The following VSTM2A variants were observed in gnomAD, a reference collection of about 807,000 sequenced individuals.
VSTM2A encodes V-set and transmembrane domain containing 2A.
A neutral mutation model predicts 27.3 loss-of-function variants in VSTM2A; 13 were observed. The ratio of observed to expected loss-of-function variants is 0.48; its 90% CI spans 0.31 to 0.76. The LOEUF is 0.76. VSTM2A is among the 30% of genes least tolerant of loss of function. The pLI is 0.05. For synonymous variants in VSTM2A, 142 were observed against 125.7 expected (o/e 1.13, Z -0.87); for missense variants, 280 against 310.0 (o/e 0.90, Z 0.73).
intron 1 of VSTM2A, 52 bp from the exon 2 acceptor site, chr7:54,544,570 C>T: frequency 6.2e-7 from 1 of 1,609,060 alleles, no homozygotes. Context: ...AGGAAAGAGA[C>T]TCAGGCAAGA....
intron 4 of VSTM2A, chr7:54,557,907 TCTC>T (rs1363595612): frequency 2.0e-5 from 3 of 152,196 alleles, no homozygotes; most frequent in Admixed American, 6.5e-5. Context: ...GAAGACTAGA[TCTC>T]CATTTCTGGC....
chr7:54,566,513 T>C (rs1397946014), intron 4 of VSTM2A, among the ~76,000 whole-genome samples: 1 of 152,124 alleles, frequency 6.6e-6, no homozygotes, highest in Non-Finnish European at 1.5e-5. Context: ...CAACTAGCTA[T>C]TAGGAACAGA....
intron 2 of VSTM2A, chr7:54,546,116 AAG>A (rs1346003876): frequency 4.2e-5 from 6 of 142,900 alleles, no homozygotes; most frequent in Non-Finnish European, 1.5e-5. Context: ...GAGGGAAAGG[AAG>A]AGAGGGAGAG....
intron 4 of VSTM2A, among the ~76,000 whole-genome samples, chr7:54,564,373 G>T (rs556122393): frequency 1.0e-3 from 158 of 152,292 alleles, no homozygotes; most frequent in Non-Finnish European, 1.7e-3. Flanking sequence ...AGAGAAAGAA[G>T]AGAAAAGCTG....
chr7:54,546,678 C>G, intron 2 of VSTM2A: 1 of 263,176 alleles, frequency 3.8e-6, no homozygotes, highest in Admixed American at 7.5e-5. Context: ...GCAGGGACAG[C>G]GCCGGGACAG....
In VSTM2A at chr7:54,566,847, C is replaced by T. The variant is rs371542981; in HGVS notation, c.635-2284C>T. ...CGTGTCTCACAAAAGAAAAGCATTT[C>T]TGTCTTTAAAATGAGCACAGAGTGG... On this transcript the variant is annotated intron_variant, in intron 4 of 4. Transcript: ENST00000402613. Among the ~76,000 whole-genome samples the T allele has an allele frequency of 3.8e-4, 58 of 152,166 alleles. 1 individual carries two copies. Among genetic ancestry groups the T allele is most frequent in the Non-Finnish European group, 3.7e-4 (25 of 68,032 alleles).
At chr7:54,562,385 T>A (rs7781024) in intron 4 of VSTM2A, among the ~76,000 whole-genome samples, 22,194 of 152,130 alleles carry the variant, frequency 0.15, 3,033 homozygotes, top group African/African-American at 0.36. Context: ...TTCTTTAAAA[T>A]TATGAGTTGT....
intron 3 of VSTM2A, among the ~76,000 whole-genome samples, chr7:54,547,933 A>G (rs957230751): frequency 5.9e-5 from 9 of 152,196 alleles, no homozygotes; most frequent in African/African-American, 2.2e-4. Context: ...TGTAATCTCA[A>G]CATGGAAGAA....
intron 4 of VSTM2A, among the ~76,000 whole-genome samples, chr7:54,561,887 A>G (rs1024968969): frequency 9.2e-5 from 14 of 152,014 alleles, no homozygotes; most frequent in African/African-American, 3.1e-4. Context: ...AAAGTCAGAC[A>G]TTAATGAACC....
At chr7:54,546,747 A>G (rs547295820) in intron 2 of VSTM2A, 200 bp from the exon 3 acceptor site, 5 of 557,002 alleles carry the variant, frequency 9.0e-6, no homozygotes, top group Non-Finnish European at 1.5e-5. Context: ...GGGGTATGCC[A>G]GGGACAGCGT....
Position 54,554,834 on chromosome 7 carries a change from A to C in VSTM2A, c.634+4664A>C, listed in dbSNP as rs993179669. 3.9e-5 allele frequency among the ~76,000 whole-genome samples: 6 copies of C among 152,344 alleles called. No individual in the cohort carries two copies. The East Asian group carries it at 1.2e-3, about 29-fold the overall frequency. On this transcript the variant is annotated intron_variant, in intron 4 of 4. Coordinates refer to ENST00000402613, the MANE Select transcript of VSTM2A (RefSeq NM_001301009.2). ...TCTCATTGCAGCATGAGGGAGCCCAAGCAAACACTGCCCAGCTAAGTACAG... is the reference window on the plus strand; with the variant it reads ...TCTCATTGCAGCATGAGGGAGCCCACGCAAACACTGCCCAGCTAAGTACAG...
At chr7:54,547,863 C>T (rs1201384621) in intron 3 of VSTM2A, among the ~76,000 whole-genome samples, 1 of 152,076 alleles carries the variant, frequency 6.6e-6, no homozygotes, top group Non-Finnish European at 1.5e-5. Flanking sequence ...ATTGGAGTTA[C>T]ATCATAACTA....
chr7:54,550,410 G>A, intron 4 of VSTM2A: 1 of 1,170,064 alleles, frequency 8.5e-7, no homozygotes, highest in African/African-American at 1.5e-5. Flanking sequence ...CTGAGAGCTG[G>A]ACTCTGGTTT....
At chr7:54,545,984 G>A (rs1453726455) in intron 2 of VSTM2A, among the ~76,000 whole-genome samples, 2 of 96,260 alleles carry the variant, frequency 2.1e-5, no homozygotes, top group Non-Finnish European at 4.1e-5. Flanking sequence ...GGAGAGGAGA[G>A]AGAATGAGGG....
At position 54,546,907 on chromosome 7, in the gene VSTM2A, G is replaced by C. The variant is rs769737753; in HGVS notation, c.247-40G>C. The C allele has an allele frequency of 6.7e-5, 107 of 1,594,738 alleles. 4 individuals carry two copies. The South Asian group carries it at 1.1e-3, about 17-fold the overall frequency. Reference sequence around the variant, plus strand: ...CTCGCGTGGGAGCGGGTGGTCGGGCGGGCCTGGCGCGGGACTGAGCGTTCG... The same window carrying C: ...CTCGCGTGGGAGCGGGTGGTCGGGCCGGCCTGGCGCGGGACTGAGCGTTCG... On this transcript the variant is annotated intron_variant, in intron 2 of 4. Transcript: ENST00000402613.
chr7:54,563,495 T>C (rs1338360661), intron 4 of VSTM2A, among the ~76,000 whole-genome samples: 1 of 152,316 alleles, frequency 6.6e-6, no homozygotes, highest in South Asian at 2.1e-4. Context: ...GAAAATGTGC[T>C]GTTTTCAGAT....
rs191638287 is a variant in VSTM2A, at chr7:54,554,029, A to G, written c.634+3859A>G. Reference sequence around the variant, plus strand: ...CCTGCTCCTCTTCCCCAACCTGGCCATGGATCAACCCCTGGTGTGCAGAGC... The same window carrying G: ...CCTGCTCCTCTTCCCCAACCTGGCCGTGGATCAACCCCTGGTGTGCAGAGC... On this transcript the variant is annotated intron_variant, in intron 4 of 4. Coordinates refer to ENST00000402613, the MANE Select transcript of VSTM2A (RefSeq NM_001301009.2). 212 of 1,553,066 alleles carry G rather than the reference A, an allele frequency of 1.4e-4. No homozygotes were observed. The African/African-American group carries it at 2.4e-3, about 18-fold the overall frequency.
At chr7:54,555,793 T>A in intron 4 of VSTM2A, among the ~76,000 whole-genome samples, 1 of 152,344 alleles carries the variant, frequency 6.6e-6, no homozygotes, top group African/African-American at 2.4e-5. Context: ...TGTATAATTA[T>A]GTTTTCATAA....
rs1361009701 is a variant in VSTM2A at position 54,546,991 on chromosome 7, G to A, written c.291G>A (p.Lys97=). 1 of 1,573,252 alleles carries A rather than the reference G, an allele frequency of 6.4e-7. No homozygotes were observed. Among genetic ancestry groups the A allele is most frequent in the Non-Finnish European group, 8.6e-7 (1 of 1,165,666 alleles). The part of the protein sequence containing the change: ...PDRDPDSDGT[K]ISTVKVQGND... ...GAGACCCGGACAGCGACGGGACCAA[G>A]ATCAGCGTGAGTGCGGGGCGCGCCA... Residue 97 remains lysine (K), a synonymous_variant, in exon 3 of 5, where the codon AAG becomes AAA. Transcript: ENST00000402613.
Sources: gnomAD v4.1 joint callset for allele counts (sites outside exome capture counted in the v4.1 genomes callset) on GRCh38, gnomAD v4.1.1 for gene constraint, MANE v1.5 for transcripts, NCBI Gene and HGNC (gene_info 2026-07-23, HGNC 2026-07-21) for gene names.